The following CELF2 variants were observed in gnomAD, a reference collection of about 807,000 sequenced individuals.
The protein encoded by CELF2 is CUG triplet repeat RNA-binding protein 2.
Under a neutral mutation model 62.6 loss-of-function variants are expected in CELF2, and 8 were observed. That is an observed-to-expected ratio of 0.13 (90% CI 0.07 to 0.23). CELF2 has a LOEUF of 0.23. CELF2 is among the 10% of genes least tolerant of loss of function. The probability of loss-of-function intolerance (pLI) is 1.00; values close to 1 mark genes in which losing one functional copy is unlikely to be tolerated. For missense variants in CELF2, 333 were observed against 671.0 expected (o/e 0.50, Z 5.56); for synonymous variants, 258 against 250.0 (o/e 1.03, Z -0.30).
chr10:10,848,747 G>C (rs746565349), intron 1 of CELF2, among the ~76,000 whole-genome samples: 1 of 152,138 alleles, frequency 6.6e-6, no homozygotes, highest in Non-Finnish European at 1.5e-5. Flanking sequence ...AACGGGTTCC[G>C]ATTGCTGCCT....
chr10:10,471,159 A>G, the CELF2 span, among the ~76,000 whole-genome samples: 5 of 151,718 alleles, frequency 3.3e-5, no homozygotes, highest in Non-Finnish European at 7.4e-5. Context: ...ATGTCCCAAC[A>G]TATGGCTTAT....
intron 2 of CELF2, among the ~76,000 whole-genome samples, chr10:10,926,143 G>A (rs1199561721): frequency 6.6e-6 from 1 of 152,100 alleles, no homozygotes. Flanking sequence ...GAAGGCCCAG[G>A]GTGAATTCAG....
At chr10:11,152,194 A>G (rs78684067) in intron 1 of CELF2, among the ~76,000 whole-genome samples, 1,653 of 152,324 alleles carry the variant, frequency 0.011, 25 homozygotes, top group African/African-American at 0.038. Flanking sequence ...TAGAGTTGCC[A>G]TGCCCCACAA....
At chr10:10,808,721 G>A (rs1362051018) in intron 1 of CELF2, among the ~76,000 whole-genome samples, 1 of 152,016 alleles carries the variant, frequency 6.6e-6, no homozygotes, top group Non-Finnish European at 1.5e-5. Context: ...TCAGAGACAC[G>A]GTAAAGACAA....
At chr10:10,802,883 T>C (rs113137214) in intron 1 of CELF2, among the ~76,000 whole-genome samples, 2 of 152,294 alleles carry the variant, frequency 1.3e-5, no homozygotes, top group African/African-American at 2.4e-5. Flanking sequence ...TGTCAAAAGC[T>C]CAACAGGTTA....
chr10:10,992,326 G>A (rs1038494475), intron 2 of CELF2, among the ~76,000 whole-genome samples: 3 of 152,164 alleles, frequency 2.0e-5, no homozygotes, highest in East Asian at 1.9e-4. Flanking sequence ...CCAGGTGGAA[G>A]GAACAGCGGA....
chr10:10,490,025 T>G, the CELF2 span, among the ~76,000 whole-genome samples: 1 of 152,142 alleles, frequency 6.6e-6, no homozygotes, highest in African/African-American at 2.4e-5. Context: ...AACATAAACC[T>G]TTGTTATTTA....
chr10:10,600,589 GA>G, the CELF2 span, among the ~76,000 whole-genome samples: 8 of 152,080 alleles, frequency 5.3e-5, no homozygotes, highest in Admixed American at 4.6e-4. Flanking sequence ...CTTTTATTCA[GA>G]TGATGGATAT....
chr10:10,596,956 G>A, the CELF2 span, among the ~76,000 whole-genome samples: 1 of 152,090 alleles, frequency 6.6e-6, no homozygotes, highest in Non-Finnish European at 1.5e-5. Context: ...AAGCTATGGT[G>A]GTTCCTCAAG....
chr10:10,475,185 A>G, the CELF2 span, among the ~76,000 whole-genome samples: 117 of 152,194 alleles, frequency 7.7e-4, no homozygotes, highest in African/African-American at 2.7e-3. Context: ...GTCCAGGTAC[A>G]TTACCCTGTA....
chr10:10,830,298 G>T (rs1434253538), intron 1 of CELF2, among the ~76,000 whole-genome samples: 3 of 73,458 alleles, frequency 4.1e-5, no homozygotes, highest in Non-Finnish European at 8.5e-5. Flanking sequence ...AAAAAAAAAA[G>T]CCGACAGAAG....
chr10:10,736,940 A>G, the CELF2 span, among the ~76,000 whole-genome samples: 5 of 152,186 alleles, frequency 3.3e-5, no homozygotes, highest in Non-Finnish European at 1.5e-5. Context: ...TTAATCTCAC[A>G]GAAAATTACT....
chr10:10,547,078 T>C, the CELF2 span, among the ~76,000 whole-genome samples: 3 of 152,120 alleles, frequency 2.0e-5, no homozygotes, highest in South Asian at 6.2e-4. Flanking sequence ...CTGCACTCTA[T>C]CCTGGGCAAC....
At chr10:10,633,795 A>G in the CELF2 span, among the ~76,000 whole-genome samples, 1 of 151,948 alleles carries the variant, frequency 6.6e-6, no homozygotes, top group African/African-American at 2.4e-5. Context: ...AGGTACTGAT[A>G]TATTTTTTGT....
At chr10:11,054,580 C>G (rs2064796621) in intron 1 of CELF2, among the ~76,000 whole-genome samples, 1 of 151,930 alleles carries the variant, frequency 6.6e-6, no homozygotes, top group South Asian at 2.1e-4. Flanking sequence ...TTGTCTTTAT[C>G]TCATTTCATA....
At chr10:10,576,650 T>TA in the CELF2 span, among the ~76,000 whole-genome samples, 5 of 152,180 alleles carry the variant, frequency 3.3e-5, no homozygotes, top group Non-Finnish European at 2.9e-5. Context: ...AAATATCCGT[T>TA]AACCATCTCT....
intron 8 of CELF2, among the ~76,000 whole-genome samples, chr10:11,287,158 A>G (rs1279521625): frequency 6.6e-6 from 1 of 152,212 alleles, no homozygotes; most frequent in Non-Finnish European, 1.5e-5. Flanking sequence ...TCCCTAAAGA[A>G]GACTGAATTT....
At chr10:11,024,196 C>T (rs1256643076) in intron 1 of CELF2, among the ~76,000 whole-genome samples, 3 of 152,306 alleles carry the variant, frequency 2.0e-5, no homozygotes, top group South Asian at 2.1e-4. Flanking sequence ...ACAATCTGTG[C>T]GTCCTCCAGA....
At chr10:10,765,194 C>T in the CELF2 span, among the ~76,000 whole-genome samples, 902 of 152,314 alleles carry the variant, frequency 5.9e-3, 7 homozygotes, top group African/African-American at 0.021. Context: ...CCCACTGGTC[C>T]CATTTTTCAC....
Sources: gnomAD v4.1 joint callset for allele counts (sites outside exome capture counted in the v4.1 genomes callset) on GRCh38, gnomAD v4.1.1 for gene constraint, MANE v1.5 for transcripts, NCBI Gene and HGNC (gene_info 2026-07-23, HGNC 2026-07-21) for gene names.